KSR2: variants seen among roughly 807,000 people sequenced by gnomAD.
KSR2 encodes kinase suppressor of ras 2.
A neutral mutation model predicts 107.8 loss-of-function variants in KSR2; 25 were observed. That is an observed-to-expected ratio of 0.23 (90% CI 0.17 to 0.32). The LOEUF (loss-of-function observed/expected upper bound fraction) is 0.32, where lower values mean the gene tolerates loss of function less well. KSR2 is among the 10% of genes least tolerant of loss of function. KSR2 has a pLI of 1.00. For missense variants in KSR2, 887 were observed against 1,268.9 expected, an observed-to-expected ratio of 0.70 and a Z score of 4.57; for synonymous variants, 480 against 507.0, an observed-to-expected ratio of 0.95 and a Z score of 0.71.
At chr12:117,470,019 T>A (rs1172438706) in intron 18 of KSR2, among the ~76,000 whole-genome samples, 2 of 151,500 alleles carry the variant, frequency 1.3e-5, no homozygotes, top group Non-Finnish European at 2.9e-5. Context: ...CATCCATCCA[T>A]CCAGTATGTA....
intron 1 of KSR2, among the ~76,000 whole-genome samples, chr12:117,911,683 C>A (rs1029056178): frequency 6.6e-6 from 1 of 152,084 alleles, no homozygotes; most frequent in Non-Finnish European, 1.5e-5. Context: ...AACTTAACTC[C>A]TTGAGGGCAA....
At chr12:117,884,641 G>T (rs1203367159) in intron 1 of KSR2, among the ~76,000 whole-genome samples, 5 of 152,194 alleles carry the variant, frequency 3.3e-5, no homozygotes, top group Non-Finnish European at 7.3e-5. Context: ...AATTCTGGTG[G>T]ATGTGCAAGT....
chr12:117,674,316 G>A (rs781004435), intron 4 of KSR2: 2 of 506,934 alleles, frequency 3.9e-6, no homozygotes, highest in Non-Finnish European at 7.9e-6. Flanking sequence ...TGGAATCGCA[G>A]ACTCACTTGC....
At position 117,754,981 on chromosome 12, in the gene KSR2, C is replaced by T. The variant is rs150451420; in HGVS notation, c.986+6030G>A. 2.6e-3 allele frequency among the ~76,000 whole-genome samples: 394 copies of T among 152,258 alleles called. 1 individual carries two copies. The highest frequency in any genetic ancestry group is 8.9e-3 in the African/African-American group (368 of 41,538). ...TCAGAGGAAATAAAAGCAGACTGAA[C>T]ACTAGTTAGCCACAGAGATGGTTCC... On this transcript the variant is annotated intron_variant, in intron 4 of 19. Coordinates refer to ENST00000339824, the MANE Select transcript of KSR2 (RefSeq NM_173598.6).
intron 1 of KSR2, among the ~76,000 whole-genome samples, chr12:117,966,830 G>T (rs1896812652): frequency 6.6e-6 from 1 of 152,058 alleles, no homozygotes; most frequent in South Asian, 2.1e-4. Context: ...ACAGGGGCAG[G>T]AGGGCCACAA....
chr12:117,943,298 C>A (rs1425193293), intron 1 of KSR2, among the ~76,000 whole-genome samples: 1 of 151,952 alleles, frequency 6.6e-6, no homozygotes, highest in Admixed American at 6.6e-5. Flanking sequence ...CAATTCATAA[C>A]CTGGTATATA....
intron 16 of KSR2, among the ~76,000 whole-genome samples, chr12:117,483,696 G>A (rs1413821473): frequency 6.6e-6 from 1 of 152,190 alleles, no homozygotes; most frequent in Non-Finnish European, 1.5e-5. Context: ...GGTGAGTAGT[G>A]GCTGAGAGTT....
intron 1 of KSR2, among the ~76,000 whole-genome samples, chr12:117,906,514 G>C (rs149569814): frequency 6.6e-6 from 1 of 151,974 alleles, no homozygotes; most frequent in Non-Finnish European, 1.5e-5. Context: ...GCTGAAGCAG[G>C]AGAATCACTT....
chr12:117,472,696 T>C (rs1871537390), intron 17 of KSR2, among the ~76,000 whole-genome samples: 1 of 152,184 alleles, frequency 6.6e-6, no homozygotes, highest in Admixed American at 6.5e-5. Context: ...GCTCAGGTGT[T>C]CGGATGTCAA....
At chr12:117,609,142 C>A (rs1593047323) in intron 5 of KSR2, among the ~76,000 whole-genome samples, 1 of 152,212 alleles carries the variant, frequency 6.6e-6, no homozygotes, top group East Asian at 1.9e-4. Flanking sequence ...GATTTTATAC[C>A]CTGGCTCCAG....
intron 5 of KSR2, among the ~76,000 whole-genome samples, chr12:117,661,049 C>T (rs896883526): frequency 1.3e-5 from 2 of 152,202 alleles, no homozygotes; most frequent in Non-Finnish European, 2.9e-5. Context: ...AAAGATTCAA[C>T]GCCACTTAAT....
chr12:117,671,386 G>C (rs1884900868), intron 4 of KSR2, among the ~76,000 whole-genome samples: 1 of 152,192 alleles, frequency 6.6e-6, no homozygotes, highest in African/African-American at 2.4e-5. Context: ...CAGACAGATT[G>C]ATGGCAACAG....
intron 9 of KSR2, among the ~76,000 whole-genome samples, chr12:117,548,837 C>T (rs1415611262): frequency 6.6e-6 from 1 of 152,180 alleles, no homozygotes; most frequent in Non-Finnish European, 1.5e-5. Context: ...GAAAGGGAAA[C>T]TCAACTATGA....
At position 117,555,225 on chromosome 12, in the gene KSR2, G is replaced by A. The variant is rs1377362128; in HGVS notation, c.1462C>T (p.Arg488Cys). The A allele has an allele frequency of 8.7e-6, 14 of 1,613,756 alleles. No individual in the cohort carries two copies. Among genetic ancestry groups the A allele is most frequent in the African/African-American group, 1.3e-5 (1 of 74,926 alleles). Reference protein sequence around the residue: ...DINNPLRKPPRYSDLHISQTL... With the variant: ...DINNPLRKPPCYSDLHISQTL... ...TGACTGATGTGCAGGTCTGAATAGC[G>A]AGGTGGCTTCCGTAGAGGGTTGTTG... The change falls in exon 9 of 20, where the codon CGC (arginine) becomes TGC (cysteine). Residue 488 changes from arginine (R) to cysteine (C), a missense_variant. By Grantham distance (180) the Arg-to-Cys change is radical (BLOSUM62 -3). Around this residue, in one of 8 missense-constraint regions of KSR2, gnomAD observed 60 missense variants for 77.5 expected, o/e 0.77. Coordinates refer to ENST00000339824, the MANE Select transcript of KSR2 (RefSeq NM_173598.6).
At chr12:117,505,535 G>A (rs925833073) in intron 14 of KSR2, among the ~76,000 whole-genome samples, 7 of 152,182 alleles carry the variant, frequency 4.6e-5, no homozygotes, top group African/African-American at 1.4e-4. Context: ...GTAAAACAGT[G>A]ACAATCACAT....
At chr12:117,878,381 A>G (rs1345088168) in intron 1 of KSR2, among the ~76,000 whole-genome samples, 1 of 152,216 alleles carries the variant, frequency 6.6e-6, no homozygotes, top group Non-Finnish European at 1.5e-5. Flanking sequence ...CAAGCTGGAC[A>G]GAGAAATATC....
chr12:117,613,441 G>A (rs1354491409), intron 5 of KSR2, among the ~76,000 whole-genome samples: 3 of 152,140 alleles, frequency 2.0e-5, no homozygotes. Flanking sequence ...AACTCCATGT[G>A]ACCCATGTGG....
At chr12:117,751,964 A>C (rs1259304336) in intron 4 of KSR2, among the ~76,000 whole-genome samples, 1 of 152,206 alleles carries the variant, frequency 6.6e-6, no homozygotes, top group African/African-American at 2.4e-5. Flanking sequence ...AATATATTAG[A>C]GATCCTTGTA....
At chr12:117,755,829 T>A (rs576291834) in intron 4 of KSR2, among the ~76,000 whole-genome samples, 9 of 152,346 alleles carry the variant, frequency 5.9e-5, no homozygotes, top group Admixed American at 1.3e-4. Context: ...TTCTTTTTCT[T>A]AAGGAAACTA....
Sources: allele counts gnomAD v4.1 joint callset (sites outside exome capture counted in the v4.1 genomes callset), GRCh38; gene constraint gnomAD v4.1.1; regional missense constraint gnomAD v4.1.1; transcripts MANE v1.5; gene names NCBI Gene and HGNC (gene_info 2026-07-23, HGNC 2026-07-21).